ZHX2: variants seen among roughly 807,000 people sequenced by gnomAD.
The protein encoded by ZHX2 is zinc fingers and homeoboxes 2, also known as zinc fingers and homeoboxes protein 2.
ZHX2 carries 6 observed loss-of-function variants against 21.9 expected under a neutral mutation model. The ratio of observed to expected loss-of-function variants is 0.27; its 90% CI spans 0.15 to 0.54. ZHX2 has a LOEUF of 0.54. Among genes scored for constraint, ZHX2 ranks in the 20% least tolerant of loss-of-function variants. The pLI, the probability that ZHX2 is intolerant of heterozygous loss-of-function variation, is 0.95. For synonymous variants in ZHX2, 434 were observed against 437.1 expected (o/e 0.99, Z 0.09); for missense variants, 908 against 1,090.7 (o/e 0.83, Z 2.36).
intron 2 of ZHX2, among the ~76,000 whole-genome samples, chr8:122,897,693 A>C (rs1349424683): frequency 1.4e-5 from 2 of 137,994 alleles, no homozygotes; most frequent in Admixed American, 7.1e-5. Context: ...TTTTCCTGAC[A>C]AAAAAAAAAA....
rs993040392 is a variant in ZHX2, at chr8:122,951,456, A to C, written c.-55A>C. 4.5e-5 allele frequency: 66 copies of C among 1,476,670 alleles called. No individual in the cohort carries two copies. In the South Asian group the frequency reaches 7.7e-4, roughly 17 times the overall value. The allele number at this position is 1,476,670 out of a possible 1,614,324, so 91.5% of individuals were successfully genotyped here. On this transcript the variant is annotated 5_prime_UTR_variant, in exon 3 of 4. Transcript: ENST00000314393. ...TCACCTTATTCGTTCCAAGAATCTC[A>C]CCGCCCCCTCCTTATCCCCCTCCAA...
At position 122,953,629 on chromosome 8, in the gene ZHX2, G is replaced by A. The variant is rs746545470; in HGVS notation, c.2119G>A (p.Ala707Thr). The change falls in exon 3 of 4, where the codon GCC becomes ACC. Residue 707 changes from alanine to threonine, a missense_variant. By Grantham distance (58) the Ala-to-Thr change is moderately conservative (BLOSUM62 0). This residue lies in a region of ZHX2 where 431 missense variants were observed against 428.6 expected (regional missense o/e 1.01). Coordinates refer to ENST00000314393, the MANE Select transcript of ZHX2 (RefSeq NM_014943.5). The surrounding 1 kb of genome is among the most constrained non-coding windows in gnomAD (Gnocchi z 4.6). Reference sequence around the variant, plus strand: ...CATGGCAGATGATCACGGCTACGATGCCGTAGCAAGGAAAGCAACAAAACC... The same window carrying A: ...CATGGCAGATGATCACGGCTACGATACCGTAGCAAGGAAAGCAACAAAACC... ...QPMADDHGYD[A>T]VARKATKPMA... The A allele has an allele frequency of 6.2e-7, 1 of 1,614,186 alleles. No individual in the cohort carries two copies. Among genetic ancestry groups the A allele is most frequent in the South Asian group, 1.1e-5 (1 of 91,086 alleles).
chr8:122,902,536 T>C (rs2129946919), intron 2 of ZHX2, among the ~76,000 whole-genome samples: 1 of 152,284 alleles, frequency 6.6e-6, no homozygotes, highest in Non-Finnish European at 1.5e-5. Flanking sequence ...GACTGGCACA[T>C]AGAAAGGGCT....
intron 2 of ZHX2, among the ~76,000 whole-genome samples, chr8:122,928,732 A>G (rs1820913695): frequency 6.6e-6 from 1 of 152,182 alleles, no homozygotes; most frequent in South Asian, 2.1e-4. Context: ...GATTCAGATT[A>G]TAGGAGAGAA....
At chr8:122,972,054 A>G (rs1440974100) in intron 3 of ZHX2, among the ~76,000 whole-genome samples, 1 of 152,126 alleles carries the variant, frequency 6.6e-6, no homozygotes, top group Non-Finnish European at 1.5e-5. Context: ...TTGTGGATGC[A>G]TCAGCCCAAT....
chr8:122,937,325 C>T (rs904283733), intron 2 of ZHX2, among the ~76,000 whole-genome samples: 1 of 152,166 alleles, frequency 6.6e-6, no homozygotes, highest in Non-Finnish European at 1.5e-5. Context: ...ATGACTGAGT[C>T]GATGCTGGTG....
chr8:122,918,170 TC>T (rs1230943819), intron 2 of ZHX2, among the ~76,000 whole-genome samples: 1 of 152,152 alleles, frequency 6.6e-6, no homozygotes, highest in Non-Finnish European at 1.5e-5. Context: ...TAAGTACCAA[TC>T]CCATGTGACA....
chr8:122,969,402 C>A (rs1813664767), intron 3 of ZHX2, among the ~76,000 whole-genome samples: 1 of 151,974 alleles, frequency 6.6e-6, no homozygotes, highest in Non-Finnish European at 1.5e-5. Context: ...TCCTTACCTC[C>A]CCACTGCCCC....
chr8:122,836,203 C>T (rs1213848804), intron 1 of ZHX2, among the ~76,000 whole-genome samples: 1 of 152,172 alleles, frequency 6.6e-6, no homozygotes, highest in Admixed American at 6.5e-5. Flanking sequence ...TGACACACAC[C>T]GGAACCTTCT....
chr8:122,904,481 G>A (rs1445867227), intron 2 of ZHX2, among the ~76,000 whole-genome samples: 1 of 152,126 alleles, frequency 6.6e-6, no homozygotes, highest in Non-Finnish European at 1.5e-5. Context: ...CTCCCTTAGT[G>A]TCAGTTAAGA....
intron 1 of ZHX2, among the ~76,000 whole-genome samples, chr8:122,818,275 G>A (rs924089484): frequency 1.3e-5 from 2 of 149,970 alleles, no homozygotes; most frequent in Non-Finnish European, 3.0e-5. Context: ...ATTTGGGGTT[G>A]AGAAAAGCAC....
intron 1 of ZHX2, among the ~76,000 whole-genome samples, chr8:122,805,260 G>A (rs1047710249): frequency 6.6e-6 from 1 of 152,156 alleles, no homozygotes; most frequent in Admixed American, 6.6e-5. Flanking sequence ...CAAATCACAC[G>A]CCTCAGTGCT....
intron 3 of ZHX2, among the ~76,000 whole-genome samples, chr8:122,958,743 T>C (rs1207084270): frequency 6.6e-6 from 1 of 152,230 alleles, no homozygotes; most frequent in Non-Finnish European, 1.5e-5. Flanking sequence ...ACCACCAGCA[T>C]AGCCCAGAAC....
intron 1 of ZHX2, among the ~76,000 whole-genome samples, chr8:122,789,282 A>C (rs945661002): frequency 1.1e-4 from 17 of 152,314 alleles, no homozygotes; most frequent in African/African-American, 4.1e-4. Context: ...GTTAAATAGC[A>C]CACAGAAAAC....
At chr8:122,785,613 G>A (rs1817378934) in intron 1 of ZHX2, among the ~76,000 whole-genome samples, 1 of 152,226 alleles carries the variant, frequency 6.6e-6, no homozygotes, top group Non-Finnish European at 1.5e-5. Flanking sequence ...TACTGCCAGG[G>A]AAGAGCAGTC....
intron 2 of ZHX2, among the ~76,000 whole-genome samples, chr8:122,898,534 C>G (rs755619902): frequency 4.6e-5 from 7 of 152,130 alleles, no homozygotes; most frequent in Non-Finnish European, 5.9e-5. Context: ...GCCTAGTTCC[C>G]CCACTTCTAA....
chr8:122,792,707 G>T lies in ZHX2; in HGVS notation c.-283+10761G>T, dbSNP rs372348748. Among the ~76,000 whole-genome samples, 3 of 152,254 alleles carry T rather than the reference G, an allele frequency of 2.0e-5. No homozygotes were observed. The East Asian group carries it at 5.8e-4, about 29-fold the overall frequency. On this transcript the variant is annotated intron_variant, in intron 1 of 3. Transcript: ENST00000314393. ...AGAGAAGGGAGGGTCCCATGGCTAGGGAGGAGGAGCAAGACACACACACAT... is the reference window on the plus strand; with the variant it reads ...AGAGAAGGGAGGGTCCCATGGCTAGTGAGGAGGAGCAAGACACACACACAT...
Position 122,953,738 on chromosome 8 carries a change from A to G in ZHX2, c.2228A>G (p.Glu743Gly), listed in dbSNP as rs761830739. The change falls in exon 3 of 4, where the codon GAG (glutamate) becomes GGG (glycine). Residue 743 changes from glutamate (E) to glycine (G), a missense_variant. This residue lies in a region of ZHX2 where 431 missense variants were observed against 428.6 expected (regional missense o/e 1.01). Coordinates refer to ENST00000314393, the MANE Select transcript of ZHX2 (RefSeq NM_014943.5). This position sits in a 1 kb window ranked among gnomAD's most constrained non-coding sequence, Gnocchi z 4.6. ...DPKKLCEEDLEKLVTRVKVGS... is the reference protein window; with the variant it reads ...DPKKLCEEDLGKLVTRVKVGS... ...AAAAAGCTCTGCGAAGAGGACTTGG[A>G]GAAGTTGGTGACCAGGGTAAAAGTA... 16 of 1,614,250 alleles carry G rather than the reference A, an allele frequency of 9.9e-6. No individual in the cohort carries two copies. The highest frequency in any genetic ancestry group is 1.4e-5 in the Non-Finnish European group (16 of 1,180,048).
intron 3 of ZHX2, among the ~76,000 whole-genome samples, chr8:122,971,919 C>A (rs1356963673): frequency 1.3e-5 from 2 of 152,206 alleles, no homozygotes; most frequent in African/African-American, 4.8e-5. Flanking sequence ...CACAGTTCTG[C>A]AGGCCAGAAG....
Sources: gnomAD v4.1 joint callset for allele counts (sites outside exome capture counted in the v4.1 genomes callset) on GRCh38, gnomAD v4.1.1 for gene constraint, gnomAD v4.1.1 regional missense constraint, Gnocchi (gnomAD v3.1) non-coding constraint, MANE v1.5 for transcripts, NCBI Gene and HGNC (gene_info 2026-07-23, HGNC 2026-07-21) for gene names.